ROBO2: variants seen among roughly 807,000 people sequenced by gnomAD.
The protein encoded by ROBO2 is roundabout homolog 2.
A neutral mutation model predicts 160.8 loss-of-function variants in ROBO2; 53 were observed. The ratio of observed to expected loss-of-function variants is 0.33; its 90% CI spans 0.26 to 0.41. The LOEUF (loss-of-function observed/expected upper bound fraction) is 0.41. ROBO2 is among the 10% of genes least tolerant of loss of function. The probability of loss-of-function intolerance (pLI) is 1.00; values close to 1 mark genes in which losing one functional copy is unlikely to be tolerated. For missense variants in ROBO2, 1,577 were observed against 1,722.4 expected (o/e 0.92, Z 1.49); for synonymous variants, 664 against 611.7 (o/e 1.09, Z -1.26).
intron 6 of ROBO2, 50 bp from the exon 7 acceptor site, chr3:77,527,350 CTTT>C: frequency 7.9e-7 from 1 of 1,268,350 alleles, no homozygotes; most frequent in Non-Finnish European, 1.0e-6. Flanking sequence ...ATTTTTCTTT[CTTT>C]TTTTTAATTT....
At chr3:76,834,062 T>TTTCCTTCCTTCCTTTCTTTCTTTCTTTC (rs368797764) in intron 2 of ROBO2, among the ~76,000 whole-genome samples, 1 of 88,012 alleles carries the variant, frequency 1.1e-5, no homozygotes, top group African/African-American at 4.5e-5. Flanking sequence ...CCTTTCTTTC[T>TTTCCTTCCTTCCTTTCTTTCTTTCTTTC]TTTCTTTCTT....
rs1357755508 is a variant in ROBO2, at chr3:77,011,015, C to CT, written c.110-86996dup. Among the ~76,000 whole-genome samples the CT allele has an allele frequency of 6.9e-5, 10 of 143,962 alleles. No individual in the cohort carries two copies. The South Asian group carries it at 1.6e-3, about 23-fold the overall frequency. 94.4% of individuals were successfully genotyped at this position (143,962 alleles called of 152,430 possible). On this transcript the variant is annotated intron_variant, in intron 2 of 26. Transcript: ENST00000487694. Reference sequence around the variant, plus strand: ...CCTTCTTTCCTTTCTTTCATTTGTTCTTTCTTTCTGTCGGTTCTTTCTTTT... The same window carrying CT: ...CCTTCTTTCCTTTCTTTCATTTGTTCTTTTCTTTCTGTCGGTTCTTTCTTTT...
chr3:76,109,699 A>G (rs548642235), intron 2 of ROBO2, among the ~76,000 whole-genome samples: 2 of 152,082 alleles, frequency 1.3e-5, no homozygotes, highest in Admixed American at 6.6e-5. Context: ...TAGAGGGTAC[A>G]TACACAGTTT....
chr3:75,940,822 G>A (rs1948022277), intron 2 of ROBO2, among the ~76,000 whole-genome samples: 2 of 152,074 alleles, frequency 1.3e-5, no homozygotes, highest in African/African-American at 4.8e-5. Context: ...GGCACAGCGG[G>A]CAAAACCATG....
chr3:76,454,723 A>AT (rs1354058932), intron 2 of ROBO2, among the ~76,000 whole-genome samples: 4 of 152,114 alleles, frequency 2.6e-5, no homozygotes, highest in Non-Finnish European at 5.9e-5. Context: ...ATATTAAATA[A>AT]TTTTTTTAAA....
At chr3:76,012,981 G>A (rs71195245) in intron 2 of ROBO2, among the ~76,000 whole-genome samples, 1 of 150,622 alleles carries the variant, frequency 6.6e-6, no homozygotes, top group Non-Finnish European at 1.5e-5. Flanking sequence ...AACTGGGCAC[G>A]GTGGCTTATG....
intron 2 of ROBO2, among the ~76,000 whole-genome samples, chr3:76,406,781 CT>C (rs1357243367): frequency 2.0e-5 from 3 of 151,896 alleles, no homozygotes; most frequent in Non-Finnish European, 4.4e-5. Flanking sequence ...ATCATCTTCT[CT>C]TTTTTGTAGG....
At chr3:75,962,527 G>A (rs1489639895) in intron 2 of ROBO2, among the ~76,000 whole-genome samples, 1 of 151,512 alleles carries the variant, frequency 6.6e-6, no homozygotes, top group Admixed American at 6.6e-5. Flanking sequence ...ACACTAAAAA[G>A]CTTGAACTCC....
chr3:76,524,499 C>G (rs2107941885), intron 2 of ROBO2, among the ~76,000 whole-genome samples: 1 of 151,834 alleles, frequency 6.6e-6, no homozygotes, highest in East Asian at 1.9e-4. Flanking sequence ...TTTTTAAGCA[C>G]CCAGATACTT....
At chr3:77,268,762 G>T (rs756600298) in intron 2 of ROBO2, among the ~76,000 whole-genome samples, 1 of 152,276 alleles carries the variant, frequency 6.6e-6, no homozygotes, top group African/African-American at 2.4e-5. Context: ...AACTAAAGTT[G>T]AATTTTTGTA....
At chr3:77,068,491 T>C (rs558071065) in intron 1 of ROBO2, among the ~76,000 whole-genome samples, 2 of 152,240 alleles carry the variant, frequency 1.3e-5, no homozygotes, top group East Asian at 3.9e-4. Flanking sequence ...GAATCTTTTT[T>C]TCCATTGCTG....
intron 2 of ROBO2, among the ~76,000 whole-genome samples, chr3:76,095,004 CTCAGCATTAATG>C (rs1373369573): frequency 1.3e-5 from 2 of 152,042 alleles, no homozygotes; most frequent in African/African-American, 2.4e-5. Context: ...AAACAATAAT[CTCAGCATTAATG>C]TCAGCATCAA....
At chr3:76,277,679 A>G (rs1708006737) in intron 2 of ROBO2, among the ~76,000 whole-genome samples, 1 of 151,990 alleles carries the variant, frequency 6.6e-6, no homozygotes, top group African/African-American at 2.4e-5. Context: ...ATTAAAAATT[A>G]GCAGTGTTCT....
At chr3:76,472,108 T>TGC (rs1460918891) in intron 2 of ROBO2, among the ~76,000 whole-genome samples, 13 of 68,236 alleles carry the variant, frequency 1.9e-4, no homozygotes, top group South Asian at 4.5e-4. Context: ...TGTGCGCGTG[T>TGC]GCGTGCGCAT....
chr3:77,379,167 C>T (rs544367699), intron 2 of ROBO2, among the ~76,000 whole-genome samples: 12 of 152,202 alleles, frequency 7.9e-5, no homozygotes, highest in African/African-American at 2.2e-4. Context: ...AGGTTTGTCT[C>T]GAACTCCTGA....
intron 2 of ROBO2, among the ~76,000 whole-genome samples, chr3:76,391,805 G>A (rs546135343): frequency 7.9e-5 from 12 of 152,256 alleles, no homozygotes; most frequent in African/African-American, 2.6e-4. Flanking sequence ...CACCGCATCC[G>A]GCCGATGTTG....
intron 8 of ROBO2, 98 bp from the exon 10 acceptor site, chr3:77,557,834 ATAAGTAATATAT>A (rs1426599984): frequency 2.4e-6 from 2 of 818,996 alleles, no homozygotes; most frequent in African/African-American, 3.4e-5. Context: ...AGAATAAGTT[ATAAGTAATATAT>A]ATTGTGTTGG....
At chr3:76,543,773 T>A (rs2082942956) in intron 2 of ROBO2, among the ~76,000 whole-genome samples, 1 of 152,064 alleles carries the variant, frequency 6.6e-6, no homozygotes, top group South Asian at 2.1e-4. Flanking sequence ...ATCTTCTCAG[T>A]GACAGCTGAA....
At chr3:76,140,128 T>C (rs2106747691) in intron 2 of ROBO2, among the ~76,000 whole-genome samples, 1 of 152,200 alleles carries the variant, frequency 6.6e-6, no homozygotes, top group East Asian at 1.9e-4. Context: ...TGAGCTAGCA[T>C]TCATTAATCA....
Sources: allele counts gnomAD v4.1 joint callset (sites outside exome capture counted in the v4.1 genomes callset), GRCh38; gene constraint gnomAD v4.1.1; transcripts MANE v1.5; gene names NCBI Gene and HGNC (gene_info 2026-07-23, HGNC 2026-07-21).